The following IGSF23 variants were observed in gnomAD, a reference collection of about 807,000 sequenced individuals.
The protein encoded by IGSF23 is immunoglobulin superfamily member 23.
Under a neutral mutation model 17.8 loss-of-function variants are expected in IGSF23, and 14 were observed. The ratio of observed to expected loss-of-function variants is 0.79; its 90% CI spans 0.52 to 1.23. The LOEUF is 1.23. IGSF23 is among the 50% of genes most tolerant of loss of function. The pLI is 0.00. For synonymous variants in IGSF23, 85 were observed against 92.5 expected (o/e 0.92, Z 0.46); for missense variants, 214 against 241.7 (o/e 0.89, Z 0.76).
intron 3 of IGSF23, 43 bp from the exon 4 acceptor site, chr19:44,635,358 C>G: frequency 1.4e-6 from 2 of 1,400,652 alleles, no homozygotes; most frequent in Non-Finnish European, 9.8e-7. Context: ...TTCTCTCTCT[C>G]TCTCTCTCTC....
chr19:44,635,540 G>C, intron 4 of IGSF23, 75 bp downstream of exon 4: 1 of 1,007,502 alleles, frequency 9.9e-7, no homozygotes, highest in East Asian at 3.0e-5. Flanking sequence ...GACTCCATAT[G>C]TGATTTCCTC....
intron 1 of IGSF23, among the ~76,000 whole-genome samples, chr19:44,621,352 A>G (rs527503367): frequency 6.7e-6 from 1 of 149,850 alleles, no homozygotes; most frequent in Admixed American, 6.7e-5. Flanking sequence ...TCCTTTTCTC[A>G]TCAAAATGGG....
At chr19:44,621,231 T>A (rs1301215128) in intron 1 of IGSF23, among the ~76,000 whole-genome samples, 3 of 144,886 alleles carry the variant, frequency 2.1e-5, no homozygotes, top group Non-Finnish European at 4.5e-5. Flanking sequence ...TGCAGTGAGC[T>A]GTAACCTTGC....
intron 1 of IGSF23, among the ~76,000 whole-genome samples, chr19:44,619,324 T>C (rs1423353550): frequency 6.6e-6 from 1 of 152,164 alleles, no homozygotes. Context: ...CAGGGATAAA[T>C]ATCCACATTA....
At chr19:44,622,083 G>A (rs898292311) in intron 1 of IGSF23, among the ~76,000 whole-genome samples, 3 of 152,140 alleles carry the variant, frequency 2.0e-5, no homozygotes, top group Admixed American at 1.3e-4. Context: ...TTAGCCGGAT[G>A]TGGTGGCGGG....
intron 1 of IGSF23, among the ~76,000 whole-genome samples, chr19:44,619,351 C>G (rs1972459738): frequency 6.6e-6 from 1 of 152,190 alleles, no homozygotes; most frequent in African/African-American, 2.4e-5. Flanking sequence ...CCAAGACTTG[C>G]AACAGACATT....
intron 1 of IGSF23, among the ~76,000 whole-genome samples, chr19:44,621,552 G>A (rs562445350): frequency 1.1e-4 from 16 of 151,878 alleles, no homozygotes; most frequent in Non-Finnish European, 2.1e-4. Flanking sequence ...CTTTGAGCCC[G>A]GGAGGTGGAG....
intron 1 of IGSF23, among the ~76,000 whole-genome samples, chr19:44,618,639 C>T (rs1423703212): frequency 6.6e-6 from 1 of 152,188 alleles, no homozygotes. Flanking sequence ...CTTCATGTGC[C>T]TGGCCATGGA....
chr19:44,615,182 A>G (rs1407827510), intron 1 of IGSF23, among the ~76,000 whole-genome samples: 2 of 151,960 alleles, frequency 1.3e-5, no homozygotes, highest in Admixed American at 6.6e-5. Context: ...CCAGCTACTC[A>G]GAAGGCTGAG....
At chr19:44,623,624 G>A (rs1171524236) in intron 1 of IGSF23, 83 bp from the exon 2 acceptor site, 1 of 1,285,820 alleles carries the variant, frequency 7.8e-7, no homozygotes, top group Non-Finnish European at 1.1e-6. Flanking sequence ...AAGAATGGAT[G>A]TCTCTATGGT....
Position 44,633,558 on chromosome 19 carries a change from C to A in IGSF23, c.546-1843C>A, listed in dbSNP as rs141719845. ...AATTGGTTGAATAGTCCCAAGTTGT[C>A]CATCTGGCCCTTCAAAATGCAAAAT... On this transcript the variant is annotated intron_variant, in intron 3 of 4. Transcript: ENST00000402988. Among the ~76,000 whole-genome samples, 18 of 152,274 alleles carry A rather than the reference C, an allele frequency of 1.2e-4. No homozygotes were observed. In the East Asian group the frequency reaches 3.5e-3, roughly 29 times the overall value.
At chr19:44,633,372 A>C (rs2123728844) in intron 3 of IGSF23, among the ~76,000 whole-genome samples, 1 of 152,336 alleles carries the variant, frequency 6.6e-6, no homozygotes, top group Admixed American at 6.5e-5. Flanking sequence ...CGGTTCTTTC[A>C]AACCTTGCAA....
chr19:44,615,253 C>T (rs1017877086), intron 1 of IGSF23, among the ~76,000 whole-genome samples: 1 of 152,010 alleles, frequency 6.6e-6, no homozygotes, highest in African/African-American at 2.4e-5. Context: ...CGTGCCACTG[C>T]ACTCCAGCCT....
intron 1 of IGSF23, 86 bp downstream of exon 1, chr19:44,613,856 C>G: frequency 5.2e-6 from 8 of 1,547,392 alleles, no homozygotes; most frequent in Non-Finnish European, 6.1e-6. Context: ...GCAGACGCGA[C>G]TGTACAGGTC....
intron 3 of IGSF23, among the ~76,000 whole-genome samples, chr19:44,630,379 G>C (rs62119266): frequency 0.063 from 9,521 of 152,252 alleles, 377 homozygotes; most frequent in South Asian, 0.16. Flanking sequence ...TATTATTGTC[G>C]TCATTTCCCA....
rs1599724567 is a variant in IGSF23 at position 44,613,737 on chromosome 19, A to C, written c.92A>C (p.Asp31Ala). ...TTTTDPMLEK[D>A]AAGGDFPANL... Reference sequence around the variant, plus strand: ...ACCACTGACCCGATGCTAGAGAAGGATGCGGCTGGAGGTGACTTCCCAGCC... The same window carrying C: ...ACCACTGACCCGATGCTAGAGAAGGCTGCGGCTGGAGGTGACTTCCCAGCC... Residue 31 changes from aspartate (D) to alanine (A), a missense_variant, in exon 1 of 5, where the codon GAT (aspartate) becomes GCT (alanine). Coordinates refer to ENST00000402988, the MANE Select transcript of IGSF23 (RefSeq NM_001205280.2). The C allele has an allele frequency of 6.4e-7, 1 of 1,550,536 alleles. No homozygotes were observed. The highest frequency in any genetic ancestry group is 2.4e-5 in the East Asian group (1 of 40,914).
intron 1 of IGSF23, among the ~76,000 whole-genome samples, chr19:44,617,854 C>G (rs537515099): frequency 6.6e-6 from 1 of 152,180 alleles, no homozygotes; most frequent in Non-Finnish European, 1.5e-5. Context: ...CCCCGCTGCC[C>G]TCTCCTCTTC....
intron 3 of IGSF23, 25 bp from the exon 4 acceptor site, chr19:44,635,348 TTCTCTCTCTCTCTCTCTCTCTCTCTCTG>T: frequency 1.0e-6 from 1 of 976,302 alleles, no homozygotes; most frequent in Non-Finnish European, 1.4e-6. Flanking sequence ...ATGATTCTTA[TTCTCTCTCTCTCTCTCTCTCTCTCTCTG>T]TCTCTCTCTC....
intron 3 of IGSF23, chr19:44,632,245 C>T (rs887745506): frequency 1.4e-5 from 3 of 207,916 alleles, no homozygotes; most frequent in Admixed American, 1.1e-4. Flanking sequence ...TGATTACATC[C>T]AGGCATTATT....
Sources: gnomAD v4.1 joint callset for allele counts (sites outside exome capture counted in the v4.1 genomes callset) on GRCh38, gnomAD v4.1.1 for gene constraint, MANE v1.5 for transcripts, NCBI Gene and HGNC (gene_info 2026-07-23, HGNC 2026-07-21) for gene names.